The following KDM4C variants were observed in gnomAD, a reference collection of about 807,000 sequenced individuals.
The protein encoded by KDM4C is lysine demethylase 4C, also known as lysine-specific demethylase 4C.
KDM4C carries 81 observed loss-of-function variants against 129.3 expected under a neutral mutation model. The ratio of observed to expected loss-of-function variants is 0.63; its 90% confidence interval spans 0.52 to 0.75. KDM4C has a LOEUF of 0.75. Among genes scored for constraint, KDM4C ranks in the 30% least tolerant of loss-of-function variants. The pLI, the probability that KDM4C is intolerant of heterozygous loss-of-function variation, is 0.00. For synonymous variants in KDM4C, 573 were observed against 456.1 expected (o/e 1.26, Z -3.26); for missense variants, 1,457 against 1,304.0 (o/e 1.12, Z -1.81).
In KDM4C at chr9:6,949,668, G is replaced by A. The variant is rs1004301038; in HGVS notation, c.922-31257G>A. On this transcript the variant is annotated intron_variant, in intron 8 of 21. Coordinates refer to ENST00000381309, the MANE Select transcript of KDM4C (RefSeq NM_015061.6). ...AGCCCGGCCAACACAGCGAAACCCC[G>A]TCTCCACCAAAAAAAATACGAAAAC... 3.3e-5 allele frequency among the ~76,000 whole-genome samples: 5 copies of A among 152,144 alleles called. 1 individual carries two copies. Among genetic ancestry groups the A allele is most frequent in the South Asian group, 4.2e-4 (2 of 4,818 alleles).
chr9:6,843,226 G>T (rs1027787046), intron 4 of KDM4C, among the ~76,000 whole-genome samples: 10 of 152,226 alleles, frequency 6.6e-5, no homozygotes, highest in Admixed American at 3.3e-4. Flanking sequence ...ACTGTGCCCG[G>T]CCTGCTGCCA....
chr9:6,930,678 A>G (rs1324157160), intron 8 of KDM4C, among the ~76,000 whole-genome samples: 2 of 70,116 alleles, frequency 2.9e-5, no homozygotes, highest in African/African-American at 6.6e-5. Context: ...CAATTAATAT[A>G]TAATATATTA....
At chr9:6,956,566 T>A (rs1310820236) in intron 8 of KDM4C, among the ~76,000 whole-genome samples, 2 of 152,198 alleles carry the variant, frequency 1.3e-5, no homozygotes, top group Non-Finnish European at 2.9e-5. Context: ...TAAATAACAT[T>A]ATTTTGGGAC....
intron 15 of KDM4C, among the ~76,000 whole-genome samples, chr9:7,021,575 T>C (rs1049501879): frequency 6.6e-6 from 1 of 152,232 alleles, no homozygotes; most frequent in African/African-American, 2.4e-5. Context: ...CTTTGTCAGA[T>C]GGGTAGTTTG....
At chr9:6,889,850 G>T (rs1845871033) in intron 7 of KDM4C, among the ~76,000 whole-genome samples, 1 of 152,224 alleles carries the variant, frequency 6.6e-6, no homozygotes, top group Admixed American at 6.5e-5. Flanking sequence ...TTCCCCAGGA[G>T]GGAGGCCTCT....
chr9:6,805,233 G>A (rs552010373), intron 2 of KDM4C, among the ~76,000 whole-genome samples: 4 of 152,096 alleles, frequency 2.6e-5, no homozygotes, highest in African/African-American at 4.8e-5. Context: ...TAACATAATC[G>A]CTCAGTGTGA....
intron 1 of KDM4C, among the ~76,000 whole-genome samples, chr9:6,781,485 G>GT (rs1305434279): frequency 6.6e-6 from 1 of 151,982 alleles, no homozygotes; most frequent in Admixed American, 6.6e-5. Context: ...CCAACCTTAT[G>GT]TAACATGAAT....
At chr9:6,977,060 C>G (rs968521442) in intron 8 of KDM4C, among the ~76,000 whole-genome samples, 1 of 152,124 alleles carries the variant, frequency 6.6e-6, no homozygotes, top group Non-Finnish European at 1.5e-5. Context: ...GTTTCCCAGG[C>G]TGGTCTAGAA....
intron 17 of KDM4C, 31 bp from the exon 18 acceptor site, chr9:7,103,654 A>G (rs1564121087): frequency 1.3e-6 from 2 of 1,571,696 alleles, no homozygotes; most frequent in Non-Finnish European, 8.8e-7. Context: ...CAGAATGTGA[A>G]TTGATGTTCT....
intron 19 of KDM4C, among the ~76,000 whole-genome samples, chr9:7,135,812 G>A (rs1410024828): frequency 1.3e-5 from 2 of 152,192 alleles, no homozygotes; most frequent in African/African-American, 2.4e-5. Flanking sequence ...ACTTTGAGGT[G>A]CTCTGGAGTT....
rs559520367 is a variant in KDM4C, at chr9:6,861,988, T to C, written c.629+12288T>C. 7.6e-4 allele frequency among the ~76,000 whole-genome samples: 116 copies of C among 152,226 alleles called. 1 individual carries two copies. Among genetic ancestry groups the C allele is most frequent in the African/African-American group, 2.7e-3 (113 of 41,512 alleles). On this transcript the variant is annotated intron_variant, in intron 5 of 21. Coordinates refer to ENST00000381309, the MANE Select transcript of KDM4C (RefSeq NM_015061.6). ...GGTTTTGCCGCGTTGGCCAGGCTGG[T>C]CTTGAACTCCTGACCTCAGGTGATT...
At chr9:6,986,290 A>G in intron 10 of KDM4C, 54 bp from the exon 11 acceptor site, 1 of 1,218,076 alleles carries the variant, frequency 8.2e-7, no homozygotes, top group Admixed American at 2.1e-5. Flanking sequence ...TACCAATTCT[A>G]CTTAGTAGTA....
intron 17 of KDM4C, among the ~76,000 whole-genome samples, chr9:7,055,167 G>A (rs966153744): frequency 1.3e-5 from 2 of 152,132 alleles, no homozygotes; most frequent in African/African-American, 4.8e-5. Context: ...ACAGAGCAAG[G>A]CTACGTCTCA....
At chr9:6,850,432 C>G (rs993646529) in intron 5 of KDM4C, among the ~76,000 whole-genome samples, 6 of 151,958 alleles carry the variant, frequency 3.9e-5, no homozygotes, top group Admixed American at 1.3e-4. Flanking sequence ...TCATCCTCCT[C>G]TAATTATTTT....
At position 7,043,816 on chromosome 9, in the gene KDM4C, A is replaced by G. The variant is rs115452556; in HGVS notation, c.2260-3046A>G. Among the ~76,000 whole-genome samples the G allele has an allele frequency of 7.3e-3, 1,111 of 152,144 alleles. 20 individuals are homozygous for G. Among genetic ancestry groups the G allele is most frequent in the African/African-American group, 0.024 (1,016 of 41,538 alleles). On this transcript the variant is annotated intron_variant, in intron 15 of 21. Coordinates refer to ENST00000381309, the MANE Select transcript of KDM4C (RefSeq NM_015061.6). ...ATTTCTTAAGTAAATCATGGCAAAA[A>G]TAACTTTGTCAACTCACTAAAGCTT...
At position 7,011,605 on chromosome 9, in the gene KDM4C, C is replaced by T. The variant is rs1023717447; in HGVS notation, c.1787-93C>T. The stretch of plus-strand genomic sequence containing the variant: ...GGTTTGGTTTCCGGCCTTAATATCA[C>T]AGATTCTGTGGAATGTTTATTTCTT... On this transcript the variant is annotated intron_variant, in intron 12 of 21. Coordinates refer to ENST00000381309, the MANE Select transcript of KDM4C (RefSeq NM_015061.6). The T allele has an allele frequency of 1.4e-4, 161 of 1,176,212 alleles. No homozygotes were observed. In the African/African-American group the frequency reaches 2.3e-3, roughly 17 times the overall value. 72.9% of individuals were successfully genotyped at this position (1,176,212 alleles called of 1,614,324 possible).
intron 8 of KDM4C, among the ~76,000 whole-genome samples, chr9:6,895,030 A>G (rs1360704875): frequency 6.6e-6 from 1 of 152,190 alleles, no homozygotes; most frequent in Non-Finnish European, 1.5e-5. Context: ...GCTACAATGC[A>G]GTTTTGGCCA....
intron 15 of KDM4C, among the ~76,000 whole-genome samples, chr9:7,045,432 C>T (rs575721664): frequency 2.0e-5 from 3 of 152,168 alleles, no homozygotes; most frequent in East Asian, 3.9e-4. Context: ...TTCTCACCTC[C>T]TCTTTCTCTG....
At chr9:7,172,979 CT>C (rs1227594814) in intron 21 of KDM4C, among the ~76,000 whole-genome samples, 1 of 152,242 alleles carries the variant, frequency 6.6e-6, no homozygotes, top group Non-Finnish European at 1.5e-5. Context: ...AGACTTTAGG[CT>C]TTATCTGATT....
Sources: allele counts gnomAD v4.1 joint callset (sites outside exome capture counted in the v4.1 genomes callset), GRCh38; gene constraint gnomAD v4.1.1; transcripts MANE v1.5; gene names NCBI Gene and HGNC (gene_info 2026-07-23, HGNC 2026-07-21).